Variants in DLC1 observed in about 807,000 individuals in gnomAD.
DLC1 encodes the protein DLC1 Rho GTPase activating protein.
DLC1 carries 54 observed loss-of-function variants against 140.3 expected under a neutral mutation model. The observed-to-expected ratio is 0.38, with a 90% CI of 0.31 to 0.48. The LOEUF (loss-of-function observed/expected upper bound fraction) is 0.48. DLC1 is among the 20% of genes least tolerant of loss of function. The pLI, the probability that DLC1 is intolerant of heterozygous loss-of-function variation, is 0.96. For missense variants in DLC1, 2,536 were observed against 1,907.0 expected (o/e 1.33, Z -6.14); for synonymous variants, 986 against 728.1 (o/e 1.35, Z -5.70).
chr8:13,101,501 A>C (rs1819086765), intron 8 of DLC1, among the ~76,000 whole-genome samples: 1 of 152,206 alleles, frequency 6.6e-6, no homozygotes, highest in Non-Finnish European at 1.5e-5. Flanking sequence ...GGTAGTTTTC[A>C]AACACTAAGA....
chr8:13,574,722 G>C (rs968722124), intron 1 of DLC1, among the ~76,000 whole-genome samples: 3 of 152,140 alleles, frequency 2.0e-5, no homozygotes, highest in Non-Finnish European at 4.4e-5. Context: ...CAGCATTATA[G>C]TAATGAAACT....
At chr8:13,276,576 G>C (rs1403521384) in intron 5 of DLC1, 8 of 1,265,156 alleles carry the variant, frequency 6.3e-6, no homozygotes, top group African/African-American at 1.6e-5. Context: ...GCGGCCAAGC[G>C]CGCGCGGCGG....
At chr8:13,445,991 T>C (rs552627209) in intron 2 of DLC1, among the ~76,000 whole-genome samples, 25 of 152,180 alleles carry the variant, frequency 1.6e-4, no homozygotes, top group Admixed American at 1.2e-3. Flanking sequence ...TACTTGGTCA[T>C]ACAGTTGTTG....
At chr8:13,598,117 A>G (rs1805742663) in intron 1 of DLC1, among the ~76,000 whole-genome samples, 1 of 152,122 alleles carries the variant, frequency 6.6e-6, no homozygotes, top group Admixed American at 6.6e-5. Context: ...AGAGATTTTG[A>G]ATTAATAGTA....
At chr8:13,304,970 C>A in intron 5 of DLC1, 2 of 1,045,880 alleles carry the variant, frequency 1.9e-6, no homozygotes, top group Non-Finnish European at 2.3e-6. Flanking sequence ...AAATTCATTC[C>A]CCAGAACCTT....
intron 5 of DLC1, among the ~76,000 whole-genome samples, chr8:13,147,948 C>T (rs1823553501): frequency 6.6e-6 from 1 of 152,126 alleles, no homozygotes; most frequent in Non-Finnish European, 1.5e-5. Flanking sequence ...GATCGCACTA[C>T]TGCACTCCAG....
intron 2 of DLC1, among the ~76,000 whole-genome samples, chr8:13,497,096 G>T (rs940628667): frequency 6.6e-6 from 1 of 151,942 alleles, no homozygotes; most frequent in Non-Finnish European, 1.5e-5. Flanking sequence ...CACCGCGCCT[G>T]GCCTAAACAA....
At chr8:13,182,298 T>G (rs1301838594) in intron 5 of DLC1, among the ~76,000 whole-genome samples, 4 of 152,304 alleles carry the variant, frequency 2.6e-5, no homozygotes, top group African/African-American at 9.6e-5. Context: ...GTAGTTTCTT[T>G]TGCTGTGCAG....
chr8:13,388,484 T>C (rs542645597), intron 4 of DLC1, among the ~76,000 whole-genome samples: 1 of 152,120 alleles, frequency 6.6e-6, no homozygotes, highest in African/African-American at 2.4e-5. Flanking sequence ...GAAAGTTTTA[T>C]ACATAATTAA....
chr8:13,389,359 C>G (rs776240809), intron 4 of DLC1, among the ~76,000 whole-genome samples: 1 of 152,058 alleles, frequency 6.6e-6, no homozygotes, highest in Non-Finnish European at 1.5e-5. Context: ...TGTACTGTTG[C>G]ACAGTGAATC....
At chr8:13,459,707 G>C (rs1799572442) in intron 2 of DLC1, among the ~76,000 whole-genome samples, 1 of 152,038 alleles carries the variant, frequency 6.6e-6, no homozygotes, top group African/African-American at 2.4e-5. Flanking sequence ...CTGCTGTTAT[G>C]ATTTCCCTTT....
At chr8:13,597,020 C>A (rs1019471079) in intron 1 of DLC1, among the ~76,000 whole-genome samples, 1 of 151,808 alleles carries the variant, frequency 6.6e-6, no homozygotes. Flanking sequence ...GGCACTCTGA[C>A]GTCATCCTGT....
intron 1 of DLC1, among the ~76,000 whole-genome samples, chr8:13,524,081 C>G (rs868707319): frequency 6.7e-6 from 1 of 149,554 alleles, no homozygotes; most frequent in African/African-American, 2.5e-5. Flanking sequence ...TCTCAGCTAG[C>G]CACCATCACA....
At chr8:13,511,690 G>C (rs956125426) in intron 1 of DLC1, among the ~76,000 whole-genome samples, 1 of 151,890 alleles carries the variant, frequency 6.6e-6, no homozygotes, top group Non-Finnish European at 1.5e-5. Flanking sequence ...AAAGTTTTCA[G>C]TGTTCCCTTG....
At chr8:13,235,877 A>G (rs1168603688) in intron 5 of DLC1, among the ~76,000 whole-genome samples, 2 of 152,040 alleles carry the variant, frequency 1.3e-5, no homozygotes, top group Non-Finnish European at 2.9e-5. Flanking sequence ...GACTATAAAT[A>G]GCTGACATCT....
At chr8:13,453,434 A>ATTTTTTTTTTTTT (rs1799202793) in intron 2 of DLC1, among the ~76,000 whole-genome samples, 1 of 29,588 alleles carries the variant, frequency 3.4e-5, no homozygotes, top group African/African-American at 1.9e-4. Context: ...GTGTATATAT[A>ATTTTTTTTTTTTT]TATGTATATA....
chr8:13,274,783 A>AT (rs1175986805), intron 5 of DLC1, among the ~76,000 whole-genome samples: 1 of 149,814 alleles, frequency 6.7e-6, no homozygotes, highest in Non-Finnish European at 1.5e-5. Flanking sequence ...ACAACAAGAT[A>AT]TTTTTGCATT....
At chr8:13,113,764 A>G (rs1820309980) in intron 6 of DLC1, among the ~76,000 whole-genome samples, 1 of 152,232 alleles carries the variant, frequency 6.6e-6, no homozygotes, top group Non-Finnish European at 1.5e-5. Flanking sequence ...AAGGAAAGAC[A>G]AGTAACTCCA....
intron 5 of DLC1, among the ~76,000 whole-genome samples, chr8:13,178,900 T>C (rs1416461369): frequency 6.6e-6 from 1 of 152,180 alleles, no homozygotes; most frequent in Non-Finnish European, 1.5e-5. Context: ...ATGGCAATTC[T>C]ACCAAATATA....
Sources: allele counts gnomAD v4.1 joint callset (sites outside exome capture counted in the v4.1 genomes callset), GRCh38; gene constraint gnomAD v4.1.1; transcripts MANE v1.5; gene names NCBI Gene and HGNC (gene_info 2026-07-23, HGNC 2026-07-21).